The following SLCO6A1 variants were observed in gnomAD, a reference collection of about 807,000 sequenced individuals.
The protein encoded by SLCO6A1 is cancer/testis antigen 48.
A neutral mutation model predicts 72.7 loss-of-function variants in SLCO6A1; 65 were observed. That is an observed-to-expected ratio of 0.89 (90% CI 0.73 to 1.10). The LOEUF is 1.10. Among genes scored for constraint, SLCO6A1 ranks in the 50% least tolerant of loss-of-function variants. SLCO6A1 has a pLI of 0.00. For missense variants in SLCO6A1, 874 were observed against 872.6 expected, an observed-to-expected ratio of 1.00 and a Z score of -0.02; for synonymous variants, 314 against 298.2, an observed-to-expected ratio of 1.05 and a Z score of -0.55.
At chr5:102,415,362 A>T (rs1019918922) in intron 8 of SLCO6A1, among the ~76,000 whole-genome samples, 2 of 152,196 alleles carry the variant, frequency 1.3e-5, no homozygotes, top group African/African-American at 4.8e-5. Context: ...AAATAGACCC[A>T]TATATCAATG....
intron 4 of SLCO6A1, among the ~76,000 whole-genome samples, chr5:102,463,428 C>A (rs113959619): frequency 6.6e-6 from 1 of 152,050 alleles, no homozygotes; most frequent in Non-Finnish European, 1.5e-5. Flanking sequence ...GGGTATCTAC[C>A]CAGAACAAAA....
At chr5:102,477,150 G>A (rs770578749) in intron 3 of SLCO6A1, among the ~76,000 whole-genome samples, 4 of 151,864 alleles carry the variant, frequency 2.6e-5, no homozygotes, top group Non-Finnish European at 4.4e-5. Context: ...TGTTTGAGAC[G>A]GAGTCTTGCT....
At chr5:102,416,307 TC>T (rs1408491496) in intron 8 of SLCO6A1, among the ~76,000 whole-genome samples, 1 of 151,810 alleles carries the variant, frequency 6.6e-6, no homozygotes, top group Non-Finnish European at 1.5e-5. Flanking sequence ...ATCCTAAATA[TC>T]CATCAACAGA....
intron 4 of SLCO6A1, among the ~76,000 whole-genome samples, chr5:102,468,246 G>T (rs1341252779): frequency 6.6e-6 from 1 of 152,168 alleles, no homozygotes; most frequent in East Asian, 1.9e-4. Context: ...ATATTTTGTG[G>T]CCTATCATAC....
chr5:102,495,262 G>T (rs1752857086), intron 1 of SLCO6A1, among the ~76,000 whole-genome samples: 1 of 152,166 alleles, frequency 6.6e-6, no homozygotes, highest in Non-Finnish European at 1.5e-5. Flanking sequence ...CTGCAAAGGG[G>T]CATGAAGAAA....
intron 7 of SLCO6A1, among the ~76,000 whole-genome samples, chr5:102,438,117 T>C (rs1408691009): frequency 6.6e-6 from 1 of 152,044 alleles, no homozygotes; most frequent in Non-Finnish European, 1.5e-5. Flanking sequence ...GGCAACAACA[T>C]ATCCATTAAT....
chr5:102,480,150 G>A (rs1752112695), intron 2 of SLCO6A1, 27 bp downstream of exon 2: 5 of 1,565,618 alleles, frequency 3.2e-6, no homozygotes, highest in East Asian at 2.2e-5. Context: ...TTGATTTGAT[G>A]TATGACAGTA....
At chr5:102,459,362 G>T (rs898881104) in intron 5 of SLCO6A1, among the ~76,000 whole-genome samples, 9 of 152,176 alleles carry the variant, frequency 5.9e-5, no homozygotes, top group African/African-American at 1.9e-4. Context: ...TGAGTCTGCA[G>T]TGATCTGTGA....
intron 10 of SLCO6A1, among the ~76,000 whole-genome samples, chr5:102,395,833 T>C (rs1747043189): frequency 6.6e-6 from 1 of 152,206 alleles, no homozygotes; most frequent in South Asian, 2.1e-4. Flanking sequence ...GCTGTAAAAA[T>C]GTCTTCTTTT....
chr5:102,495,522 G>A (rs904605653), intron 1 of SLCO6A1, among the ~76,000 whole-genome samples: 1 of 152,120 alleles, frequency 6.6e-6, no homozygotes, highest in African/African-American at 2.4e-5. Context: ...TTGTACCAAG[G>A]AGGCGGAGGT....
intron 8 of SLCO6A1, 109 bp downstream of exon 8, chr5:102,419,717 C>T: frequency 5.8e-6 from 5 of 866,988 alleles, no homozygotes; most frequent in East Asian, 3.0e-5. Flanking sequence ...TTGATAATTC[C>T]AATAATTATA....
chr5:102,415,813 C>A (rs1333814723), intron 8 of SLCO6A1, among the ~76,000 whole-genome samples: 2 of 152,100 alleles, frequency 1.3e-5, no homozygotes, highest in African/African-American at 4.8e-5. Context: ...ATCCATCCAA[C>A]GAAGACTAAT....
chr5:102,376,579 A>G (rs1676473175), intron 12 of SLCO6A1, among the ~76,000 whole-genome samples: 1 of 152,174 alleles, frequency 6.6e-6, no homozygotes, highest in Non-Finnish European at 1.5e-5. Context: ...AAATGGATGT[A>G]TTAACCAACC....
At chr5:102,473,742 A>G (rs565227983) in intron 4 of SLCO6A1, among the ~76,000 whole-genome samples, 34 of 152,164 alleles carry the variant, frequency 2.2e-4, no homozygotes, top group Admixed American at 1.9e-3. Context: ...TTGCATACAC[A>G]TAACATATGT....
intron 10 of SLCO6A1, among the ~76,000 whole-genome samples, chr5:102,393,402 A>G (rs772684183): frequency 6.6e-6 from 1 of 152,150 alleles, no homozygotes; most frequent in Admixed American, 6.6e-5. Context: ...GTAATATGAC[A>G]TGCTTACAAA....
chr5:102,487,863 CTATGT>C (rs1752509939), intron 1 of SLCO6A1, among the ~76,000 whole-genome samples: 1 of 152,200 alleles, frequency 6.6e-6, no homozygotes, highest in Admixed American at 6.5e-5. Context: ...AGATCTTACT[CTATGT>C]CAAAGTAAGA....
intron 7 of SLCO6A1, among the ~76,000 whole-genome samples, chr5:102,433,391 C>T (rs1250452070): frequency 6.6e-6 from 1 of 152,084 alleles, no homozygotes; most frequent in Non-Finnish European, 1.5e-5. Flanking sequence ...TCTTTGTGGG[C>T]TGATGCTCCT....
At chr5:102,475,908 G>T in intron 3 of SLCO6A1, 115 bp from the exon 4 acceptor site, 1 of 621,334 alleles carries the variant, frequency 1.6e-6, no homozygotes, top group Non-Finnish European at 2.7e-6. Context: ...TTCTGTATTA[G>T]TCAGAGCTCT....
chr5:102,463,864 C>T (rs948496829), intron 4 of SLCO6A1, among the ~76,000 whole-genome samples: 11 of 143,654 alleles, frequency 7.7e-5, no homozygotes, highest in East Asian at 2.0e-4. Flanking sequence ...CCAGCCTGGG[C>T]GACAAGAGTG....
Sources: allele counts gnomAD v4.1 joint callset (sites outside exome capture counted in the v4.1 genomes callset), GRCh38; gene constraint gnomAD v4.1.1; transcripts MANE v1.5; gene names NCBI Gene and HGNC (gene_info 2026-07-23, HGNC 2026-07-21).